Variants in FBN3 observed in about 807,000 individuals in gnomAD.
FBN3 encodes fibrillin-3.
A neutral mutation model predicts 330.1 loss-of-function variants in FBN3; 234 were observed. That is an observed-to-expected ratio of 0.71 (90% confidence interval 0.64 to 0.79). FBN3 has a LOEUF of 0.79. Among genes scored for constraint, FBN3 ranks in the 30% least tolerant of loss-of-function variants. The pLI, the probability that FBN3 is intolerant of heterozygous loss-of-function variation, is 0.00. For missense variants in FBN3, 3,606 were observed against 3,886.9 expected (o/e 0.93, Z 1.92); for synonymous variants, 1,458 against 1,517.3 (o/e 0.96, Z 0.91).
intron 40 of FBN3, among the ~76,000 whole-genome samples, chr19:8,101,343 A>G (rs2082324371): frequency 1.3e-5 from 2 of 152,128 alleles, no homozygotes; most frequent in South Asian, 4.1e-4. Flanking sequence ...GGGAATGAAT[A>G]CAGCTATAAG....
chr19:8,127,107 G>C (rs980499686), intron 18 of FBN3, among the ~76,000 whole-genome samples: 2 of 146,434 alleles, frequency 1.4e-5, no homozygotes, highest in Non-Finnish European at 3.0e-5. Flanking sequence ...ACCCAGGTTG[G>C]AGTGCAGTGG....
intron 26 of FBN3, among the ~76,000 whole-genome samples, chr19:8,118,641 G>T (rs145014613): frequency 6.6e-6 from 1 of 151,738 alleles, no homozygotes; most frequent in Non-Finnish European, 1.5e-5. Context: ...ATGCACAAAC[G>T]CTTGCCCTTG....
rs767987720 is a variant in FBN3 at position 8,075,317 on chromosome 19, G to C, written c.7548C>G (p.Gly2516=). The C allele has an allele frequency of 2.5e-6, 4 of 1,614,086 alleles. No individual in the cohort carries two copies. The highest frequency in any genetic ancestry group is 3.4e-6 in the Non-Finnish European group (4 of 1,180,028). Residue 2516 remains glycine (G), a synonymous_variant, in exon 60 of 64, where the codon GGC becomes GGG. Coordinates refer to ENST00000600128, the MANE Select transcript of FBN3 (RefSeq NM_032447.5). ...CATGGCCTGAGCTGACCAGGGTGAA[G>C]CCTTGGTGGCATTCACAGCGGAAGC... ...PGSFRCECHQ[G]FTLVSSGHGC... is the part of the protein sequence containing the mutation.
In FBN3 at chr19:8,126,279, A is replaced by T; in HGVS notation, c.2605+18T>A. 5.1e-6 allele frequency: 8 copies of T among 1,582,852 alleles called. No homozygotes were observed. Among genetic ancestry groups the T allele is most frequent in the Non-Finnish European group, 6.0e-6 (7 of 1,166,134 alleles). ...GGCTCTGGAGTAGGGGGTGAGCTGGACACGGGCAGGCAGTTACCATCGCAG... is the reference window on the plus strand; with the variant it reads ...GGCTCTGGAGTAGGGGGTGAGCTGGTCACGGGCAGGCAGTTACCATCGCAG... On this transcript the variant is annotated intron_variant, in intron 21 of 63. Coordinates refer to ENST00000600128, the MANE Select transcript of FBN3 (RefSeq NM_032447.5).
At chr19:8,086,558 G>A (rs1233635238) in intron 54 of FBN3, among the ~76,000 whole-genome samples, 2 of 150,374 alleles carry the variant, frequency 1.3e-5, no homozygotes, top group Admixed American at 1.3e-4. Flanking sequence ...CCGGGTTCAA[G>A]AAATTCTTCT....
chr19:8,066,147 C>T lies in FBN3; in HGVS notation c.8202G>A (p.Glu2734=). The change falls in exon 64 of 64, where the codon GAG becomes GAA. Residue 2734 remains glutamate, a synonymous_variant. Transcript: ENST00000600128. ...GGACGATGACGTAGCGGATCCGGCC[C>T]TCTAGACCCTCCAGGGCCGGCCGGA... is the stretch of plus-strand genomic sequence containing the variant. ...LELRPALEGL[E]GRIRYVIVRG... 3.1e-6 allele frequency: 5 copies of T among 1,613,442 alleles called. No individual in the cohort carries two copies. Among genetic ancestry groups the T allele is most frequent in the Non-Finnish European group, 4.2e-6 (5 of 1,180,008 alleles).
At position 8,086,391 on chromosome 19, in the gene FBN3, C is replaced by G. The variant is rs1316636187; in HGVS notation, c.6755-66G>C. On this transcript the variant is annotated intron_variant, in intron 54 of 63. Transcript: ENST00000600128. ...AGGCAGCCAGCCTCTCCCACAGCCC[C>G]AAAGGGCCCCTTTGGATCTGCCCAG... The G allele has an allele frequency of 3.8e-6, 5 of 1,319,782 alleles. No homozygotes were observed. In the African/African-American group the frequency reaches 4.4e-5, roughly 12 times the overall value. The allele number at this position is 1,319,782 out of a possible 1,614,324, so 81.8% of individuals were successfully genotyped here.
intron 56 of FBN3, 123 bp from the exon 57 acceptor site, chr19:8,083,495 G>A (rs1230234713): frequency 4.2e-6 from 5 of 1,180,984 alleles, no homozygotes; most frequent in East Asian, 2.4e-5. Flanking sequence ...CTTCCACACC[G>A]GCCACTGCAC....
chr19:8,072,909 C>T (rs920920208), intron 62 of FBN3, among the ~76,000 whole-genome samples, 154 bp downstream of exon 62: 4 of 149,328 alleles, frequency 2.7e-5, no homozygotes, highest in Non-Finnish European at 5.9e-5. Context: ...TGGGCAAATG[C>T]CTGCATGCAC....
intron 21 of FBN3, 49 bp downstream of exon 21, chr19:8,126,248 T>A (rs748806806): frequency 3.2e-6 from 5 of 1,559,716 alleles, no homozygotes; most frequent in Non-Finnish European, 4.4e-6. Flanking sequence ...CGCCTGGTTG[T>A]GTGCGGGCTC....
rs753129010 is a variant in FBN3 at position 8,123,985 on chromosome 19, G to A, written c.2755C>T (p.Leu919=). The change falls in exon 23 of 64, where the codon CTG becomes TTG. Residue 919 remains leucine (L), a synonymous_variant. Transcript: ENST00000600128. ...CCACACTCATCCTCATCCCATCGCAGGAAACATGGTTCCAATCTCACATCT... is the reference window on the plus strand; with the variant it reads ...CCACACTCATCCTCATCCCATCGCAAGAAACATGGTTCCAATCTCACATCT... The part of the protein sequence containing the change: ...CVDVRLEPCF[L]RWDEDECGVT... The A allele has an allele frequency of 1.3e-5, 21 of 1,613,798 alleles. No individual in the cohort carries two copies. Among genetic ancestry groups the A allele is most frequent in the Non-Finnish European group, 1.8e-5 (21 of 1,179,986 alleles).
rs147585873 is a variant in FBN3, at chr19:8,138,529, C to A, written c.901G>T (p.Gly301Trp). ...RAGACFSVLF[G>W]GRCAGDLAGH... The stretch of plus-strand genomic sequence containing the variant: ...GCGAGGTCTCCAGCACAGCGGCCCC[C>A]GAAAAGCACTGAGAAGCAGGCGCCG... Residue 301 changes from glycine (G) to tryptophan (W), a missense_variant, in exon 9 of 64, where the codon GGG becomes TGG. Gly to Trp is a radical substitution (Grantham distance 184). Transcript: ENST00000600128. 7.8e-5 allele frequency: 126 copies of A among 1,612,076 alleles called. No individual in the cohort carries two copies. The African/African-American group carries it at 1.5e-3, about 19-fold the overall frequency.
chr19:8,136,398 G>A lies in FBN3; in HGVS notation c.1335C>T (p.Gly445=), dbSNP rs541524715. 6.8e-6 allele frequency: 11 copies of A among 1,613,864 alleles called. No individual in the cohort carries two copies. Among genetic ancestry groups the A allele is most frequent in the Admixed American group, 3.3e-5 (2 of 60,018 alleles). The change falls in exon 11 of 64, where the codon GGC becomes GGT. Residue 445 remains glycine, a synonymous_variant. Transcript: ENST00000600128. ...CNVGYTQDVR[G]ECIDVDECTS... ...CTGGCCGCGGCTCACCAATGCACTC[G>A]CCGCGCACGTCCTGGGTGTAGCCCA...
intron 63 of FBN3, among the ~76,000 whole-genome samples, chr19:8,069,708 C>A (rs2081471888): frequency 6.6e-6 from 1 of 152,166 alleles, no homozygotes; most frequent in Admixed American, 6.5e-5. Flanking sequence ...GCCTCAGCCT[C>A]CCAAGTAGCT....
At chr19:8,105,714 G>C (rs909259715) in intron 38 of FBN3, among the ~76,000 whole-genome samples, 1 of 152,184 alleles carries the variant, frequency 6.6e-6, no homozygotes, top group Non-Finnish European at 1.5e-5. Context: ...AAAAATAGCA[G>C]AGCAGGGAAC....
chr19:8,084,533 C>T (rs975463824), intron 56 of FBN3, among the ~76,000 whole-genome samples: 2 of 151,978 alleles, frequency 1.3e-5, no homozygotes, highest in African/African-American at 4.8e-5. Context: ...CCAGCCTCTC[C>T]CACGGCCCCA....
rs2082708705 is a variant in FBN3, at chr19:8,116,550, C to T, written c.3712+124G>A. On this transcript the variant is annotated intron_variant, in intron 29 of 63. Coordinates refer to ENST00000600128, the MANE Select transcript of FBN3 (RefSeq NM_032447.5). ...CTGTTACAAAGCCTCATCTTCCTAC[C>T]TGCGAATGGCAGGGGTGGGGCCTGG... 6 of 1,017,146 alleles carry T rather than the reference C, an allele frequency of 5.9e-6. No homozygotes were observed. The African/African-American group carries it at 7.9e-5, about 13-fold the overall frequency. 63.0% of individuals were successfully genotyped at this position (1,017,146 alleles called of 1,614,324 possible).
intron 22 of FBN3, among the ~76,000 whole-genome samples, chr19:8,125,152 G>A (rs1038911797): frequency 3.9e-5 from 6 of 152,290 alleles, no homozygotes; most frequent in East Asian, 1.9e-4. Context: ...CCAGCACTCC[G>A]GGATGCTGAG....
chr19:8,147,912 G>T, intron 1 of FBN3: 1 of 156,216 alleles, frequency 6.4e-6, no homozygotes. Context: ...AGGTGGTGTG[G>T]GGAAGGGCAG....
Sources: gnomAD v4.1 joint callset for allele counts (sites outside exome capture counted in the v4.1 genomes callset) on GRCh38, gnomAD v4.1.1 for gene constraint, MANE v1.5 for transcripts, NCBI Gene and HGNC (gene_info 2026-07-23, HGNC 2026-07-21) for gene names.